Variants in STIM2 observed in about 807,000 individuals in gnomAD.
The protein encoded by STIM2 is stromal interaction molecule 2.
A neutral mutation model predicts 85.8 loss-of-function variants in STIM2; 31 were observed. The observed-to-expected ratio is 0.36, with a 90% CI of 0.27 to 0.49. The LOEUF (loss-of-function observed/expected upper bound fraction) is 0.49. STIM2 is among the 20% of genes least tolerant of loss of function. The probability of loss-of-function intolerance (pLI) is 0.98; values close to 1 mark genes in which losing one functional copy is unlikely to be tolerated. For synonymous variants in STIM2, 356 were observed against 331.1 expected (o/e 1.08, Z -0.82); for missense variants, 841 against 927.6 (o/e 0.91, Z 1.21).
rs1203566126 is a variant in STIM2 at position 27,024,842 on chromosome 4, A to G, written c.*1846A>G. 1 of 152,224 alleles carries G rather than the reference A, an allele frequency of 6.6e-6. No individual in the cohort carries two copies. The highest frequency in any genetic ancestry group is 1.5e-5 in the Non-Finnish European group (1 of 68,040). The allele number at this position is 152,224 out of a possible 1,614,324, so 9.4% of individuals were successfully genotyped here. A position where few individuals can be genotyped will look rare whatever the true frequency, so the allele number is the denominator to read the frequency against. ...GGAAAACTTTATCCTTCTATTTCTT[A>G]TAACCAGACAGGAGGAGTTCTTCCC... On this transcript the variant is annotated 3_prime_UTR_variant, in exon 12 of 12. Coordinates refer to ENST00000467087, the MANE Select transcript of STIM2 (RefSeq NM_020860.4).
At chr4:26,941,340 A>C (rs1725603535) in intron 2 of STIM2, among the ~76,000 whole-genome samples, 1 of 152,016 alleles carries the variant, frequency 6.6e-6, no homozygotes, top group African/African-American at 2.4e-5. Flanking sequence ...AATCTCTTGC[A>C]TTGCACTATT....
At chr4:26,892,566 G>A (rs1267566391) in intron 1 of STIM2, among the ~76,000 whole-genome samples, 1 of 152,052 alleles carries the variant, frequency 6.6e-6, no homozygotes. Context: ...GACACCCCTG[G>A]ATTTTTGTCT....
At chr4:27,000,911 C>T (rs762194410) in intron 5 of STIM2, among the ~76,000 whole-genome samples, 52 of 151,766 alleles carry the variant, frequency 3.4e-4, no homozygotes, top group Non-Finnish European at 3.5e-4. Flanking sequence ...GAGAATAGGG[C>T]TCACAGTTGA....
At chr4:27,021,576 TACTCTG>T (rs1238649451) in intron 11 of STIM2, 18 of 456,630 alleles carry the variant, frequency 3.9e-5, no homozygotes, top group Admixed American at 2.1e-4. Flanking sequence ...CTTTGGATCT[TACTCTG>T]AGTATGAGAG....
chr4:27,021,510 G>A (rs1262359453), intron 11 of STIM2: 2 of 456,696 alleles, frequency 4.4e-6, no homozygotes, highest in Non-Finnish European at 8.8e-6. Context: ...AAGGGAGTGT[G>A]CAGTTGGAGA....
intron 1 of STIM2, among the ~76,000 whole-genome samples, chr4:26,865,100 C>G (rs1722352884): frequency 6.6e-6 from 1 of 152,172 alleles, no homozygotes; most frequent in African/African-American, 2.4e-5. Flanking sequence ...TCTTTCTGAA[C>G]TTCCTAAAGC....
intron 2 of STIM2, among the ~76,000 whole-genome samples, chr4:26,954,785 G>C (rs1726181950): frequency 6.8e-6 from 1 of 147,686 alleles, no homozygotes; most frequent in Non-Finnish European, 1.5e-5. Context: ...AATTATACTG[G>C]TTTCTAGTCA....
chr4:26,943,591 C>G lies in STIM2; in HGVS notation c.283-14021C>G, dbSNP rs1412117274. 6.6e-5 allele frequency among the ~76,000 whole-genome samples: 10 copies of G among 152,278 alleles called. No homozygotes were observed. In the East Asian group the frequency reaches 1.5e-3, roughly 23 times the overall value. On this transcript the variant is annotated intron_variant, in intron 2 of 11. Coordinates refer to ENST00000467087, the MANE Select transcript of STIM2 (RefSeq NM_020860.4). ...GGCCCCAGAGTTCTGCTTTCTTCAG[C>G]TGTTTCTTCAAGGAGCTTTAATTTT...
chr4:26,916,237 G>C (rs779715657), intron 1 of STIM2, among the ~76,000 whole-genome samples: 1 of 152,182 alleles, frequency 6.6e-6, no homozygotes. Flanking sequence ...ATTTGTAAAA[G>C]CCTTGAGTCT....
chr4:26,934,050 C>T (rs1011450360), intron 2 of STIM2, among the ~76,000 whole-genome samples: 7 of 151,850 alleles, frequency 4.6e-5, no homozygotes, highest in African/African-American at 1.2e-4. Context: ...AAAAATTAGC[C>T]GGGCGTGGTG....
intron 3 of STIM2, among the ~76,000 whole-genome samples, chr4:26,958,589 A>G (rs1043952884): frequency 6.6e-6 from 1 of 152,168 alleles, no homozygotes; most frequent in Admixed American, 6.5e-5. Flanking sequence ...AGAAGATGGT[A>G]GATAGCTTGC....
At chr4:27,003,725 T>G (rs1279373207) in intron 7 of STIM2, among the ~76,000 whole-genome samples, 1 of 151,968 alleles carries the variant, frequency 6.6e-6, no homozygotes, top group Admixed American at 6.6e-5. Context: ...AAACAGAAAT[T>G]TATCATCGTA....
chr4:27,004,914 T>A (rs1728280061), intron 7 of STIM2, among the ~76,000 whole-genome samples: 1 of 152,208 alleles, frequency 6.6e-6, no homozygotes, highest in African/African-American at 2.4e-5. Flanking sequence ...TAAATTTTAA[T>A]CCTCACAACA....
At chr4:26,996,341 GCTT>G (rs1048897629) in intron 4 of STIM2, among the ~76,000 whole-genome samples, 17 of 151,956 alleles carry the variant, frequency 1.1e-4, no homozygotes, top group African/African-American at 2.2e-4. Flanking sequence ...TTACAAGATT[GCTT>G]CTTAAGTTTT....
intron 1 of STIM2, chr4:26,873,758 C>T: frequency 1.1e-6 from 1 of 884,190 alleles, no homozygotes; most frequent in Non-Finnish European, 1.9e-6. Context: ...AGGTCACTGT[C>T]AGACTCACTG....
rs1241397361 is a variant in STIM2 at position 26,955,429 on chromosome 4, A to G, written c.283-2183A>G. ...ACTGATTGGACCATTTCCAAGGCAG[A>G]TTTCCTCCCTGCTATGTCCATTATT... On this transcript the variant is annotated intron_variant, in intron 2 of 11. Coordinates refer to ENST00000467087, the MANE Select transcript of STIM2 (RefSeq NM_020860.4). Among the ~76,000 whole-genome samples, 4 of 148,130 alleles carry G rather than the reference A, an allele frequency of 2.7e-5. 1 individual carries two copies. Among genetic ancestry groups the G allele is most frequent in the Non-Finnish European group, 5.9e-5 (4 of 67,304 alleles).
At chr4:27,019,486 G>T (rs866157588) in intron 11 of STIM2, 1 of 1,289,720 alleles carries the variant, frequency 7.8e-7, no homozygotes, top group East Asian at 5.5e-5. Flanking sequence ...CTCGAGAGCT[G>T]CACTGTCTAA....
rs377600708 is a variant in STIM2 at position 26,872,197 on chromosome 4, G to A, written c.151+10828G>A. ...AAAAAGTATGAAGACATAGTTTGAG[G>A]CAGTTAGTTGATCTAAATAACCGGA... On this transcript the variant is annotated intron_variant, in intron 1 of 11. Coordinates refer to ENST00000467087, the MANE Select transcript of STIM2 (RefSeq NM_020860.4). Among the ~76,000 whole-genome samples the A allele has an allele frequency of 1.4e-4, 22 of 152,214 alleles. No individual in the cohort carries two copies. The East Asian group carries it at 4.1e-3, about 28-fold the overall frequency.
intron 3 of STIM2, among the ~76,000 whole-genome samples, chr4:26,959,229 T>G (rs1395747403): frequency 6.6e-6 from 1 of 152,188 alleles, no homozygotes; most frequent in African/African-American, 2.4e-5. Context: ...ATCTCTTACC[T>G]CTTCTATTCC....
Sources: allele counts gnomAD v4.1 joint callset (sites outside exome capture counted in the v4.1 genomes callset), GRCh38; gene constraint gnomAD v4.1.1; transcripts MANE v1.5; gene names NCBI Gene and HGNC (gene_info 2026-07-23, HGNC 2026-07-21).